Variants in MAF observed in about 807,000 individuals in gnomAD.
MAF encodes transcription factor Maf.
Under a neutral mutation model 22.0 loss-of-function variants are expected in MAF, and 10 were observed. That is an observed-to-expected ratio of 0.45 (90% confidence interval 0.28 to 0.77). MAF has a LOEUF of 0.77. MAF is among the 30% of genes least tolerant of loss of function. The pLI, the probability that MAF is intolerant of heterozygous loss-of-function variation, is 0.12. For missense variants in MAF, 544 were observed against 548.4 expected, an observed-to-expected ratio of 0.99 and a Z score of 0.08; for synonymous variants, 337 against 255.8, an observed-to-expected ratio of 1.32 and a Z score of -3.03.
At chr16:79,305,193 G>A in the MAF span, among the ~76,000 whole-genome samples, 1 of 152,328 alleles carries the variant, frequency 6.6e-6, no homozygotes, top group South Asian at 2.1e-4. Context: ...GTCATCCGGG[G>A]CAGGTGAACT....
chr16:79,513,773 A>G, the MAF span, among the ~76,000 whole-genome samples: 1 of 152,218 alleles, frequency 6.6e-6, no homozygotes, highest in East Asian at 1.9e-4. Context: ...CCTGGTGTGT[A>G]GGACACGTTC....
chr16:79,589,550 A>T (rs1353960947), downstream of MAF, among the ~76,000 whole-genome samples: 1 of 152,206 alleles, frequency 6.6e-6, no homozygotes, highest in Non-Finnish European at 1.5e-5. Flanking sequence ...AGAAAAATCA[A>T]ATGATCTGGA....
chr16:79,267,899 T>C, the MAF span, among the ~76,000 whole-genome samples: 1 of 151,946 alleles, frequency 6.6e-6, no homozygotes, highest in Non-Finnish European at 1.5e-5. Flanking sequence ...GGCTGGGGAA[T>C]ACTCCACCTG....
At chr16:79,260,384 T>C in the MAF span, among the ~76,000 whole-genome samples, 2 of 152,276 alleles carry the variant, frequency 1.3e-5, no homozygotes, top group East Asian at 3.9e-4. Context: ...AATCCTGGGA[T>C]CCAGTGATTC....
the MAF span, among the ~76,000 whole-genome samples, chr16:79,400,457 G>C: frequency 6.6e-6 from 1 of 152,232 alleles, no homozygotes; most frequent in Non-Finnish European, 1.5e-5. Flanking sequence ...GCCCTGTTGT[G>C]CTCATAGCAC....
the MAF span, among the ~76,000 whole-genome samples, chr16:79,460,470 A>C: frequency 6.6e-6 from 1 of 151,960 alleles, no homozygotes; most frequent in African/African-American, 2.4e-5. Flanking sequence ...GAACTCTATT[A>C]CTCTATTTGT....
chr16:79,205,748 G>C, the MAF span: 2 of 152,216 alleles, frequency 1.3e-5, no homozygotes, highest in Non-Finnish European at 2.9e-5. Flanking sequence ...GAAGGCCTTT[G>C]TGGGAGTCAG....
At chr16:79,414,275 T>C in the MAF span, among the ~76,000 whole-genome samples, 2 of 152,204 alleles carry the variant, frequency 1.3e-5, no homozygotes, top group Non-Finnish European at 2.9e-5. Context: ...GTTCTCAAGC[T>C]GTACAAGAAG....
the MAF span, among the ~76,000 whole-genome samples, chr16:79,418,397 G>A: frequency 4.7e-4 from 72 of 152,198 alleles, no homozygotes; most frequent in African/African-American, 1.7e-3. Context: ...CTACGTTGGG[G>A]CTGGGGACGA....
At chr16:79,544,314 C>G in the MAF span, among the ~76,000 whole-genome samples, 1 of 152,174 alleles carries the variant, frequency 6.6e-6, no homozygotes, top group Non-Finnish European at 1.5e-5. Flanking sequence ...AGTGCTCGGT[C>G]ATCACACATG....
the MAF span, among the ~76,000 whole-genome samples, chr16:79,243,760 C>G: frequency 6.6e-6 from 1 of 151,932 alleles, no homozygotes; most frequent in African/African-American, 2.4e-5. Context: ...AGAGACACAA[C>G]AAAAAAAGAA....
chr16:79,466,325 G>A, the MAF span, among the ~76,000 whole-genome samples: 1 of 152,168 alleles, frequency 6.6e-6, no homozygotes, highest in East Asian at 1.9e-4. Context: ...ATGACTCATG[G>A]GTTTAAATGA....
rs1280764703 is a variant in MAF at position 79,594,538 on chromosome 16, G to T, written c.1134C>A (p.Arg378=). ...CGTATCCCACTGATGGCTCCAACTT[G>T]CGAGTGGGCTCAGTTCTGTAATTGG... The part of the protein sequence containing the change: ...SPEFFITEPT[R]KLEPSVGYAT... Residue 378 remains arginine, a synonymous_variant, in exon 2 of 2, where the codon CGC becomes CGA. Transcript: ENST00000326043. The T allele has an allele frequency of 6.4e-7, 1 of 1,563,182 alleles. No individual in the cohort carries two copies.
the MAF span, among the ~76,000 whole-genome samples, chr16:79,293,677 C>A: frequency 1.3e-5 from 2 of 152,108 alleles, no homozygotes; most frequent in African/African-American, 2.4e-5. Context: ...CCAACTCTTA[C>A]ATTAGTCTTG....
the MAF span, among the ~76,000 whole-genome samples, chr16:79,478,043 A>G: frequency 6.6e-6 from 1 of 152,178 alleles, no homozygotes; most frequent in Non-Finnish European, 1.5e-5. Context: ...GTAATAAACA[A>G]ATACTCAGAG....
chr16:79,365,256 G>T, the MAF span, among the ~76,000 whole-genome samples: 1 of 152,142 alleles, frequency 6.6e-6, no homozygotes, highest in Non-Finnish European at 1.5e-5. Context: ...CCCACGATAG[G>T]TAGGCCCTGC....
the MAF span, among the ~76,000 whole-genome samples, chr16:79,253,885 T>C: frequency 6.6e-6 from 1 of 152,084 alleles, no homozygotes; most frequent in African/African-American, 2.4e-5. Context: ...CCTTCCTTAT[T>C]TTCTCCTCCA....
At chr16:79,420,693 C>T in the MAF span, among the ~76,000 whole-genome samples, 25 of 152,294 alleles carry the variant, frequency 1.6e-4, no homozygotes, top group African/African-American at 6.0e-4. Context: ...TTTCAGTCAT[C>T]CGCGGTGAAC....
In MAF at chr16:79,599,786, G is replaced by C. The variant is rs747615775; in HGVS notation, c.117C>G (p.Thr39=). ...KFEVKKEPVE[T]DRIISQCGRL... ...GGCCGCACTGGCTGATGATGCGGTC[G>C]GTCTCCACCGGTTCCTTTTTCACTT... Residue 39 remains threonine (T), a synonymous_variant, in exon 1 of 2, where the codon ACC becomes ACG. Transcript: ENST00000326043. 1 of 1,613,052 alleles carries C rather than the reference G, an allele frequency of 6.2e-7. No individual in the cohort carries two copies. Among genetic ancestry groups the C allele is most frequent in the Non-Finnish European group, 8.5e-7 (1 of 1,179,932 alleles).
Sources: gnomAD v4.1 joint callset for allele counts (sites outside exome capture counted in the v4.1 genomes callset) on GRCh38, gnomAD v4.1.1 for gene constraint, MANE v1.5 for transcripts, NCBI Gene and HGNC (gene_info 2026-07-23, HGNC 2026-07-21) for gene names.